Variants in INSYN1 observed in about 807,000 individuals in gnomAD.
The protein encoded by INSYN1 is UPF0583 protein C15orf59.
In INSYN1, 7 loss-of-function variants were observed where a neutral mutation model predicts 17.1. The ratio of observed to expected loss-of-function variants is 0.41; its 90% CI spans 0.23 to 0.77. The LOEUF is 0.77. Among genes scored for constraint, INSYN1 ranks in the 30% least tolerant of loss-of-function variants. The pLI, the probability that INSYN1 is intolerant of heterozygous loss-of-function variation, is 0.32. For synonymous variants in INSYN1, 174 were observed against 166.3 expected (o/e 1.05, Z -0.36); for missense variants, 339 against 400.6 (o/e 0.85, Z 1.31).
Position 73,739,920 on chromosome 15 carries a change from GT to G in INSYN1, c.878del (p.Asn293ThrfsTer29). The G allele has an allele frequency of 6.8e-7, 1 of 1,471,622 alleles. No homozygotes were observed. The highest frequency in any genetic ancestry group is 9.4e-7 in the Non-Finnish European group (1 of 1,068,300). The allele number at this position is 1,471,622 out of a possible 1,614,324, so 91.2% of individuals were successfully genotyped here. A position where few individuals can be genotyped will look rare whatever the true frequency, so the allele number is the denominator to read the frequency against. The stretch of plus-strand genomic sequence containing the variant: ...CCCCCGGCCCCCTCCCCGGCCCCTA[GT>G]TTTTCCCCCTGGCTTTCTGTCTAGT... Reference protein sequence around the residue: ...TATRQKARGKN With the variant: ...TATRQKARGKX On this transcript the variant is annotated frameshift_variant, in exon 3 of 3. Transcript: ENST00000569673. LOFTEE classifies it high-confidence loss of function.
chr15:73,748,905 T>A (rs1358070061), intron 2 of INSYN1, among the ~76,000 whole-genome samples: 1 of 152,144 alleles, frequency 6.6e-6, no homozygotes. Context: ...GGGCAGGCAG[T>A]GGCATACGGG....
Position 73,736,591 on chromosome 15 carries a change from A to C in INSYN1, c.*3326T>G, listed in dbSNP as rs1469711007. On this transcript the variant is annotated 3_prime_UTR_variant, in exon 3 of 3. Coordinates refer to ENST00000569673, the MANE Select transcript of INSYN1 (RefSeq NM_001039614.3). Reference sequence around the variant, plus strand: ...GGGAGATGGAGCAAGACTCCATCTCAAAAAAACAAAACAAAAAAAAATTGG... The same window carrying C: ...GGGAGATGGAGCAAGACTCCATCTCCAAAAAACAAAACAAAAAAAAATTGG... The C allele has an allele frequency of 1.3e-5, 2 of 151,850 alleles. No individual in the cohort carries two copies. Among genetic ancestry groups the C allele is most frequent in the Non-Finnish European group, 2.9e-5 (2 of 68,002 alleles). The allele number at this position is 151,850 out of a possible 1,614,324, so 9.4% of individuals were successfully genotyped here. A position where few individuals can be genotyped will look rare whatever the true frequency, so the allele number is the denominator to read the frequency against.
Position 73,738,328 on chromosome 15 carries a change from A to G in INSYN1, c.*1589T>C, listed in dbSNP as rs1368304677. On this transcript the variant is annotated 3_prime_UTR_variant, in exon 3 of 3. Transcript: ENST00000569673. ...CACTAATTCTTGGGGGCAGAGTAGC[A>G]CAGGCTTTGTGGCTTTGGGGCAGGT... The G allele has an allele frequency of 6.6e-6, 1 of 152,304 alleles. No homozygotes were observed. The highest frequency in any genetic ancestry group is 1.5e-5 in the Non-Finnish European group (1 of 68,102). The allele number at this position is 152,304 out of a possible 1,614,324, so 9.4% of individuals were successfully genotyped here.
At chr15:73,746,362 T>A (rs1233608379) in intron 2 of INSYN1, among the ~76,000 whole-genome samples, 1 of 151,914 alleles carries the variant, frequency 6.6e-6, no homozygotes, top group African/African-American at 2.4e-5. Flanking sequence ...AAGAAAAAAA[T>A]CCACGCAATT....
At chr15:73,749,449 G>T (rs564026150) in intron 2 of INSYN1, among the ~76,000 whole-genome samples, 1 of 152,204 alleles carries the variant, frequency 6.6e-6, no homozygotes, top group African/African-American at 2.4e-5. Flanking sequence ...AAGGCTGGGA[G>T]TTGTATCAGA....
rs1901498033 is a variant in INSYN1 at position 73,735,468 on chromosome 15, AAAC to A, written c.*4446_*4448del. 3.3e-5 allele frequency: 5 copies of A among 152,370 alleles called. No homozygotes were observed. The highest frequency in any genetic ancestry group is 2.6e-4 in the Admixed American group (4 of 15,304). The allele number at this position is 152,370 out of a possible 1,614,324, so 9.4% of individuals were successfully genotyped here. A position where few individuals can be genotyped will look rare whatever the true frequency, so the allele number is the denominator to read the frequency against. ...AATGGGGCTCGTTTATTCATTCAAC[AAAC>A]ATTTATTGAACCCATAATCCATTTG... On this transcript the variant is annotated 3_prime_UTR_variant, in exon 3 of 3. Coordinates refer to ENST00000569673, the MANE Select transcript of INSYN1 (RefSeq NM_001039614.3).
rs28594180 is a variant in INSYN1, at chr15:73,740,442, A to G, written c.357T>C (p.Ser119=). Residue 119 remains serine (S), a synonymous_variant, in exon 3 of 3, where the codon TCT becomes TCC. Transcript: ENST00000569673. ...SWEFCSFLDV[S]TPSDSVDGPE... ...GACCATCCACGGAGTCCGAGGGGGT[A>G]GAGACGTCCAGGAAGGAGCAGAACT... 0.41 allele frequency: 653,986 copies of G among 1,613,354 alleles called. 135,259 individuals are homozygous for G. Among genetic ancestry groups the G allele is most frequent in the East Asian group, 0.56 (24,941 of 44,832 alleles).
chr15:73,750,097 C>A (rs944297419), intron 2 of INSYN1, among the ~76,000 whole-genome samples: 1 of 152,220 alleles, frequency 6.6e-6, no homozygotes, highest in Non-Finnish European at 1.5e-5. Context: ...TTGCCTAAAG[C>A]CCACCTGGCT....
chr15:73,740,719 C>T (rs1901672175), intron 2 of INSYN1, 77 bp from the exon 3 acceptor site: 2 of 1,180,782 alleles, frequency 1.7e-6, no homozygotes, highest in East Asian at 4.7e-5. Flanking sequence ...GTGTCTCCAC[C>T]CCATCCCTGT....
intron 2 of INSYN1, 127 bp from the exon 3 acceptor site, chr15:73,740,769 T>C (rs1165345138): frequency 1.3e-6 from 1 of 791,570 alleles, no homozygotes; most frequent in Admixed American, 2.5e-5. Flanking sequence ...GGGGAGAGCC[T>C]GTAGGATGGT....
chr15:73,738,224 T>C lies in INSYN1; in HGVS notation c.*1693A>G, dbSNP rs187191295. On this transcript the variant is annotated 3_prime_UTR_variant, in exon 3 of 3. Transcript: ENST00000569673. ...TACCAGACCCATTATACAGAGGAGGTAGATAGGCTCAGAGAGGCAAACGGA... is the reference window on the plus strand; with the variant it reads ...TACCAGACCCATTATACAGAGGAGGCAGATAGGCTCAGAGAGGCAAACGGA... 3.3e-5 allele frequency: 5 copies of C among 152,012 alleles called. No individual in the cohort carries two copies. The highest frequency in any genetic ancestry group is 7.2e-5 in the African/African-American group (3 of 41,466). 9.4% of individuals were successfully genotyped at this position (152,012 alleles called of 1,614,324 possible).
At chr15:73,751,761 G>C (rs1048906351) in intron 1 of INSYN1, 64 bp from the exon 2 acceptor site, 10 of 153,054 alleles carry the variant, frequency 6.5e-5, no homozygotes, top group African/African-American at 2.4e-4. Context: ...CAATGCCGCT[G>C]CCTCCCTCCT....
chr15:73,749,610 T>C (rs965984003), intron 2 of INSYN1, among the ~76,000 whole-genome samples: 2 of 152,210 alleles, frequency 1.3e-5, no homozygotes, highest in Admixed American at 6.5e-5. Flanking sequence ...TGTAGTGCCT[T>C]GGACCCAAGA....
In INSYN1 at chr15:73,753,206, G is replaced by A. The variant is rs1486503369; in HGVS notation, c.-1664C>T. On this transcript the variant is annotated 5_prime_UTR_variant, in exon 1 of 3. Transcript: ENST00000569673. The surrounding 1 kb of genome is among the most constrained non-coding windows in gnomAD (Gnocchi z 4.2). ...GGCCTGGGCCCGCTCCCCAAGCGCCGCGGCGCCGCGCCGCCCGCGCCCCGG... is the reference window on the plus strand; with the variant it reads ...GGCCTGGGCCCGCTCCCCAAGCGCCACGGCGCCGCGCCGCCCGCGCCCCGG... 1.4e-5 allele frequency among the ~76,000 whole-genome samples: 2 copies of A among 144,766 alleles called. No individual in the cohort carries two copies. Among genetic ancestry groups the A allele is most frequent in the South Asian group, 2.1e-4 (1 of 4,772 alleles). 95.0% of individuals were successfully genotyped at this position (144,766 alleles called of 152,430 possible).
Position 73,740,265 on chromosome 15 carries a change from C to A in INSYN1, c.534G>T (p.Arg178=). Residue 178 remains arginine, a synonymous_variant, in exon 3 of 3, where the codon CGG becomes CGT. Coordinates refer to ENST00000569673, the MANE Select transcript of INSYN1 (RefSeq NM_001039614.3). ...GPTVKSQLPQ[R]TPGTRERVRF... is the part of the protein sequence containing the mutation. Reference sequence around the variant, plus strand: ...GCACCCTCTCCCGTGTCCCTGGGGTCCGCTGGGGCAGCTGGCTCTTCACCG... The same window carrying A: ...GCACCCTCTCCCGTGTCCCTGGGGTACGCTGGGGCAGCTGGCTCTTCACCG... The A allele has an allele frequency of 6.2e-7, 1 of 1,613,918 alleles. No homozygotes were observed. Among genetic ancestry groups the A allele is most frequent in the African/African-American group, 1.3e-5 (1 of 75,056 alleles).
intron 2 of INSYN1, among the ~76,000 whole-genome samples, chr15:73,741,834 A>T (rs1901699342): frequency 6.6e-6 from 1 of 152,194 alleles, no homozygotes. Context: ...AACAGTTGCT[A>T]AGGGCTGCTG....
chr15:73,743,307 A>G (rs1225962811), intron 2 of INSYN1, among the ~76,000 whole-genome samples: 1 of 152,144 alleles, frequency 6.6e-6, no homozygotes, highest in Non-Finnish European at 1.5e-5. Context: ...CACTCCCCCA[A>G]CCCAAGAAGC....
At position 73,737,241 on chromosome 15, in the gene INSYN1, T is replaced by G. The variant is rs1237954085; in HGVS notation, c.*2676A>C. The stretch of plus-strand genomic sequence containing the variant: ...ATTCCATAGGTTTCTTTTCCCTGAC[T>G]GTTGAAAAGATGAGAAACTGTGAGC... On this transcript the variant is annotated 3_prime_UTR_variant, in exon 3 of 3. Transcript: ENST00000569673. The G allele has an allele frequency of 1.3e-5, 2 of 152,232 alleles. No individual in the cohort carries two copies. The allele number at this position is 152,232 out of a possible 1,614,324, so 9.4% of individuals were successfully genotyped here.
chr15:73,751,172 C>A lies in INSYN1; in HGVS notation c.-42G>T, dbSNP rs935076357. 1 of 1,608,552 alleles carries A rather than the reference C, an allele frequency of 6.2e-7. No homozygotes were observed. On this transcript the variant is annotated 5_prime_UTR_variant, in exon 2 of 3. Coordinates refer to ENST00000569673, the MANE Select transcript of INSYN1 (RefSeq NM_001039614.3). ...GCAGGCCTGCCCATACTCCCCCCAG[C>A]TGGGCACACACTGCGTCTGCCTCCA...
Sources: gnomAD v4.1 joint callset for allele counts (sites outside exome capture counted in the v4.1 genomes callset) on GRCh38, gnomAD v4.1.1 for gene constraint, Gnocchi (gnomAD v3.1) non-coding constraint, MANE v1.5 for transcripts, NCBI Gene and HGNC (gene_info 2026-07-23, HGNC 2026-07-21) for gene names.